The following TJP2 variants were observed in gnomAD, a reference collection of about 807,000 sequenced individuals.
TJP2 encodes tight junction protein 2, also known as Friedreich ataxia region gene X104 (tight junction protein ZO-2).
A neutral mutation model predicts 133.1 loss-of-function variants in TJP2; 91 were observed. That is an observed-to-expected ratio of 0.68 (90% CI 0.58 to 0.81). TJP2 has a LOEUF of 0.81. TJP2 is among the 40% of genes least tolerant of loss of function. The pLI, the probability that TJP2 is intolerant of heterozygous loss-of-function variation, is 0.00. For missense variants in TJP2, 1,541 were observed against 1,565.6 expected, an observed-to-expected ratio of 0.98 and a Z score of 0.26; for synonymous variants, 592 against 583.4, an observed-to-expected ratio of 1.01 and a Z score of -0.21.
chr9:69,247,486 C>G (rs759010538), intron 18 of TJP2, among the ~76,000 whole-genome samples: 6 of 152,186 alleles, frequency 3.9e-5, no homozygotes, highest in Non-Finnish European at 5.9e-5. Context: ...CTAAGTTTTG[C>G]TCTTTGAGAA....
chr9:69,226,834 C>G (rs1829389959), intron 7 of TJP2, among the ~76,000 whole-genome samples: 1 of 152,184 alleles, frequency 6.6e-6, no homozygotes, highest in South Asian at 2.1e-4. Flanking sequence ...ATTAATATCT[C>G]TAATAGAGAA....
At chr9:69,200,655 A>G (rs912864954) in intron 1 of TJP2, among the ~76,000 whole-genome samples, 1 of 152,098 alleles carries the variant, frequency 6.6e-6, no homozygotes, top group African/African-American at 2.4e-5. Flanking sequence ...CAGCCTCTTA[A>G]AGTGCTGGGA....
At chr9:69,146,122 T>C (rs1823200868) in intron 1 of TJP2, among the ~76,000 whole-genome samples, 1 of 152,236 alleles carries the variant, frequency 6.6e-6, no homozygotes, top group South Asian at 2.1e-4. Flanking sequence ...GGTTTACAAA[T>C]GTAGCAATTC....
intron 1 of TJP2, among the ~76,000 whole-genome samples, chr9:69,187,625 G>A (rs2133042565): frequency 6.6e-6 from 1 of 152,344 alleles, no homozygotes; most frequent in African/African-American, 2.4e-5. Context: ...AGGCTTCAGT[G>A]CATGGGTTTA....
intron 2 of TJP2, among the ~76,000 whole-genome samples, chr9:69,166,413 TTTTAAACAGTAA>T (rs1824361251): frequency 6.7e-6 from 1 of 150,334 alleles, no homozygotes; most frequent in African/African-American, 2.4e-5. Context: ...TATTTACTGT[TTTTAAACAGTAA>T]ACAGTAAAAC....
rs1830232887 is a variant in TJP2, at chr9:69,236,944, C to T, written c.1992-5C>T. 4 of 1,614,190 alleles carry T rather than the reference C, an allele frequency of 2.5e-6. No homozygotes were observed. In the East Asian group the frequency reaches 6.7e-5, roughly 27 times the overall value. ...AGAGATTTACTTCCCGTGGTTTCTT[C>T]TCAGAGCTGAACAAATGGCCAGTGT... is the stretch of plus-strand genomic sequence containing the variant. On this transcript the variant is annotated splice_region_variant and splice_polypyrimidine_tract_variant and intron_variant, in intron 13 of 22. Coordinates refer to ENST00000377245, the MANE Select transcript of TJP2 (RefSeq NM_004817.4).
chr9:69,212,662 C>T (rs1828009146), intron 2 of TJP2, 61 bp downstream of exon 2: 3 of 1,422,492 alleles, frequency 2.1e-6, no homozygotes, highest in Non-Finnish European at 2.0e-6. Context: ...GATCATGGAT[C>T]TTATTTATTT....
In TJP2 at chr9:69,174,565, C is replaced by A. The variant is rs943396550; in HGVS notation, c.60+133C>A. 4 of 1,129,018 alleles carry A rather than the reference C, an allele frequency of 3.5e-6. No homozygotes were observed. In the South Asian group the frequency reaches 4.1e-5, roughly 12 times the overall value. The allele number at this position is 1,129,018 out of a possible 1,614,324, so 69.9% of individuals were successfully genotyped here. A position where few individuals can be genotyped will look rare whatever the true frequency, so the allele number is the denominator to read the frequency against. ...CGTAGGAAGCTGGGATTCTCCCATC[C>A]GGACGTGGGACGCAGGGGAGGGGTA... On this transcript the variant is annotated intron_variant, in intron 1 of 22. Transcript: ENST00000377245.
At chr9:69,202,994 T>C (rs1205691724) in intron 1 of TJP2, among the ~76,000 whole-genome samples, 1 of 152,212 alleles carries the variant, frequency 6.6e-6, no homozygotes, top group African/African-American at 2.4e-5. Flanking sequence ...TAGAAGAATC[T>C]GGAATTCTTA....
chr9:69,222,861 G>A (rs1828993920), intron 5 of TJP2, among the ~76,000 whole-genome samples: 1 of 151,882 alleles, frequency 6.6e-6, no homozygotes, highest in African/African-American at 2.4e-5. Flanking sequence ...TTGAGGTCAG[G>A]AGTTGGAGAC....
At chr9:69,251,513 C>T in intron 21 of TJP2, 149 bp downstream of exon 21, 2 of 794,102 alleles carry the variant, frequency 2.5e-6, no homozygotes, top group South Asian at 1.6e-5. Flanking sequence ...CTTCAGATTG[C>T]CAGCTCCCAG....
intron 2 of TJP2, among the ~76,000 whole-genome samples, chr9:69,161,133 A>G (rs1404392046): frequency 6.6e-6 from 1 of 152,190 alleles, no homozygotes; most frequent in East Asian, 1.9e-4. Flanking sequence ...ACGGATGGGA[A>G]GTATCTGAAG....
rs1357472207 is a variant in TJP2 at position 69,226,184 on chromosome 9, A to AG, written c.1210+10dup. 12 of 1,613,884 alleles carry AG rather than the reference A, an allele frequency of 7.4e-6. No individual in the cohort carries two copies. The stretch of plus-strand genomic sequence containing the variant: ...TGACTCAGAAATAGAAGGTAAAGGA[A>AG]GAGGAGGCTGTGAGCTTAGCTGGAA... On this transcript the variant is annotated intron_variant, in intron 7 of 22. Coordinates refer to ENST00000377245, the MANE Select transcript of TJP2 (RefSeq NM_004817.4).
At chr9:69,231,442 C>T (rs1388789719) in intron 11 of TJP2, among the ~76,000 whole-genome samples, 1 of 150,592 alleles carries the variant, frequency 6.6e-6, no homozygotes, top group African/African-American at 2.4e-5. Context: ...TGCAAACTTG[C>T]AGTTCATATA....
At chr9:69,244,202 A>AG (rs1830767639) in intron 17 of TJP2, among the ~76,000 whole-genome samples, 1 of 151,662 alleles carries the variant, frequency 6.6e-6, no homozygotes, top group Non-Finnish European at 1.5e-5. Flanking sequence ...AAAAAAAAAA[A>AG]AAAAAGTATG....
intron 1 of TJP2, among the ~76,000 whole-genome samples, chr9:69,186,703 A>G (rs1825881690): frequency 6.6e-6 from 1 of 152,214 alleles, no homozygotes. Flanking sequence ...CAATGTATGT[A>G]TTTCTGACCC....
intron 3 of TJP2, among the ~76,000 whole-genome samples, chr9:69,216,714 C>A (rs918502934): frequency 6.6e-6 from 1 of 152,174 alleles, no homozygotes; most frequent in African/African-American, 2.4e-5. Context: ...TTCCAAACAT[C>A]CCTCCTAGGT....
At chr9:69,132,406 G>T (rs1449380228) in intron 1 of TJP2, among the ~76,000 whole-genome samples, 1 of 152,218 alleles carries the variant, frequency 6.6e-6, no homozygotes, top group African/African-American at 2.4e-5. Flanking sequence ...GAGAGTGGCA[G>T]GTGAGGATGG....
chr9:69,187,123 A>G (rs1031236822), intron 1 of TJP2, among the ~76,000 whole-genome samples: 2 of 152,246 alleles, frequency 1.3e-5, no homozygotes, highest in Admixed American at 6.5e-5. Context: ...GAATATTTGC[A>G]GTCAGCATGC....
Sources: gnomAD v4.1 joint callset for allele counts (sites outside exome capture counted in the v4.1 genomes callset) on GRCh38, gnomAD v4.1.1 for gene constraint, MANE v1.5 for transcripts, NCBI Gene and HGNC (gene_info 2026-07-23, HGNC 2026-07-21) for gene names.